Variants in NRG1 observed in about 807,000 individuals in gnomAD.
NRG1 encodes the protein pro-neuregulin-1, membrane-bound isoform.
NRG1 carries 18 observed loss-of-function variants against 63.8 expected under a neutral mutation model. The observed-to-expected ratio is 0.28, with a 90% CI of 0.19 to 0.42. The LOEUF (loss-of-function observed/expected upper bound fraction) is 0.42, where lower values mean the gene tolerates loss of function less well. NRG1 is among the 10% of genes least tolerant of loss of function. The pLI is 1.00. For missense variants in NRG1, 762 were observed against 814.7 expected, an observed-to-expected ratio of 0.94 and a Z score of 0.79; for synonymous variants, 302 against 301.3, an observed-to-expected ratio of 1.00 and a Z score of -0.02.
At chr8:32,101,092 T>C (rs1237097644) in intron 1 of NRG1, among the ~76,000 whole-genome samples, 2 of 152,146 alleles carry the variant, frequency 1.3e-5, no homozygotes, top group African/African-American at 4.8e-5. Context: ...ATACCCCAAA[T>C]AGAATATGTA....
intron 1 of NRG1, among the ~76,000 whole-genome samples, chr8:32,379,782 T>C (rs1380842871): frequency 6.6e-6 from 1 of 152,234 alleles, no homozygotes; most frequent in Non-Finnish European, 1.5e-5. Context: ...AGCCAGAACT[T>C]GAAGCTCGAT....
In NRG1 at chr8:31,977,334, C is replaced by A. The variant is rs147322751; in HGVS notation, c.37+337903C>A. Among the ~76,000 whole-genome samples the A allele has an allele frequency of 4.9e-3, 750 of 152,154 alleles. 8 individuals carry two copies. Among genetic ancestry groups the A allele is most frequent in the African/African-American group, 0.017 (723 of 41,526 alleles). ...TCTTTTGTTTGTGGTAGAATGATTC[C>A]CCTAATGTTGGAGCCTTAAAGTCTA... On this transcript the variant is annotated intron_variant, in intron 1 of 10. Coordinates refer to the NRG1 transcript ENST00000519301.
intron 1 of NRG1, among the ~76,000 whole-genome samples, chr8:31,998,548 T>C (rs1488696946): frequency 1.3e-5 from 2 of 151,998 alleles, no homozygotes; most frequent in African/African-American, 4.8e-5. Flanking sequence ...ATGCTGTAAC[T>C]GTATATAGGT....
chr8:31,762,575 T>C (rs1432389996), intron 1 of NRG1, among the ~76,000 whole-genome samples: 1 of 152,234 alleles, frequency 6.6e-6, no homozygotes, highest in Non-Finnish European at 1.5e-5. Context: ...ATGGGATTGC[T>C]GAGTCAAATG....
chr8:32,620,752 T>A (rs539054378), intron 5 of NRG1, among the ~76,000 whole-genome samples: 3 of 151,656 alleles, frequency 2.0e-5, no homozygotes, highest in Admixed American at 2.0e-4. Context: ...AGCCCGGGAG[T>A]TTGAGGCTGT....
chr8:32,522,395 C>CA (rs1279826701), intron 1 of NRG1, among the ~76,000 whole-genome samples: 14 of 152,172 alleles, frequency 9.2e-5, no homozygotes, highest in Non-Finnish European at 1.3e-4. Flanking sequence ...TGCAATGTTG[C>CA]ATGCACAATA....
At chr8:31,791,707 C>T (rs926440897) in intron 1 of NRG1, among the ~76,000 whole-genome samples, 1 of 152,058 alleles carries the variant, frequency 6.6e-6, no homozygotes, top group Non-Finnish European at 1.5e-5. Context: ...CTGCTGTATT[C>T]ACATCTGGTG....
chr8:31,720,396 G>C (rs550646561), intron 1 of NRG1, among the ~76,000 whole-genome samples: 1 of 152,112 alleles, frequency 6.6e-6, no homozygotes, highest in African/African-American at 2.4e-5. Context: ...CATGTGTCAC[G>C]GTAGATTGCT....
chr8:31,976,204 T>C (rs1327640504), intron 1 of NRG1, among the ~76,000 whole-genome samples: 1 of 152,174 alleles, frequency 6.6e-6, no homozygotes, highest in Admixed American at 6.5e-5. Context: ...GGTAAAAGAT[T>C]GGGAGTTCTG....
intron 1 of NRG1, among the ~76,000 whole-genome samples, chr8:32,539,662 A>C (rs1328307638): frequency 6.6e-6 from 1 of 152,208 alleles, no homozygotes; most frequent in African/African-American, 2.4e-5. Context: ...GCTGTAGATA[A>C]ACATTTACGA....
chr8:32,453,523 C>A (rs1339053885), intron 1 of NRG1, among the ~76,000 whole-genome samples: 1 of 152,152 alleles, frequency 6.6e-6, no homozygotes, highest in Non-Finnish European at 1.5e-5. Flanking sequence ...AGAGCAAATG[C>A]AAGTTTAGCT....
intron 1 of NRG1, among the ~76,000 whole-genome samples, chr8:31,780,503 C>A (rs1178041855): frequency 6.6e-6 from 1 of 152,042 alleles, no homozygotes; most frequent in African/African-American, 2.4e-5. Context: ...TATAAGGGTG[C>A]CTCCTGTGGC....
intron 1 of NRG1, among the ~76,000 whole-genome samples, chr8:31,747,103 T>A (rs1017880974): frequency 8.6e-5 from 13 of 151,928 alleles, no homozygotes; most frequent in African/African-American, 2.4e-4. Flanking sequence ...TACTATTTGA[T>A]AGCACAGCAG....
At chr8:32,736,208 C>T (rs182000255) in intron 6 of NRG1, among the ~76,000 whole-genome samples, 1 of 152,236 alleles carries the variant, frequency 6.6e-6, no homozygotes, top group Admixed American at 6.5e-5. Context: ...AAAGCATATG[C>T]AAACCTCAAG....
At chr8:32,211,126 T>G (rs1469865300) in intron 1 of NRG1, among the ~76,000 whole-genome samples, 1 of 152,196 alleles carries the variant, frequency 6.6e-6, no homozygotes, top group Admixed American at 6.5e-5. Flanking sequence ...CATTTTGGTG[T>G]GTTTCTTATA....
chr8:32,122,120 G>A (rs1364367409), intron 1 of NRG1, among the ~76,000 whole-genome samples: 1 of 151,914 alleles, frequency 6.6e-6, no homozygotes, highest in Non-Finnish European at 1.5e-5. Flanking sequence ...GTTCTTCTTA[G>A]TACTCTTCAA....
In NRG1 at chr8:32,288,923, T is replaced by A. The variant is rs574101724; in HGVS notation, c.38-306905T>A. ...AAGATCAATATTCATGTTGAGTTGGTATCCATCATAGTGATATTCAGTGAT... is the reference window on the plus strand; with the variant it reads ...AAGATCAATATTCATGTTGAGTTGGAATCCATCATAGTGATATTCAGTGAT... On this transcript the variant is annotated intron_variant, in intron 1 of 10. Coordinates refer to the NRG1 transcript ENST00000519301. Among the ~76,000 whole-genome samples, 8 of 152,318 alleles carry A rather than the reference T, an allele frequency of 5.3e-5. No individual in the cohort carries two copies. The South Asian group carries it at 1.7e-3, about 32-fold the overall frequency.
intron 1 of NRG1, among the ~76,000 whole-genome samples, chr8:32,171,017 CATTT>C (rs1213001681): frequency 1.3e-5 from 2 of 152,146 alleles, no homozygotes; most frequent in Non-Finnish European, 2.9e-5. Flanking sequence ...CTTCCAATAT[CATTT>C]ACTCTTGTCC....
At chr8:31,846,528 A>G (rs894571088) in intron 1 of NRG1, among the ~76,000 whole-genome samples, 5 of 152,220 alleles carry the variant, frequency 3.3e-5, no homozygotes, top group Non-Finnish European at 7.3e-5. Flanking sequence ...TGTGCAAAAC[A>G]TTATGCTAGG....
Sources: gnomAD v4.1 joint callset for allele counts (sites outside exome capture counted in the v4.1 genomes callset) on GRCh38, gnomAD v4.1.1 for gene constraint, MANE v1.5 for transcripts, NCBI Gene and HGNC (gene_info 2026-07-23, HGNC 2026-07-21) for gene names.